DCDC1: variants seen among roughly 807,000 people sequenced by gnomAD.
The protein encoded by DCDC1 is doublecortin domain-containing protein 1.
In DCDC1, 200 loss-of-function variants were observed where a neutral mutation model predicts 178.3. The observed-to-expected ratio is 1.12, with a 90% confidence interval of 1.00 to 1.26. DCDC1 has a LOEUF of 1.26. Ranked by LOEUF, DCDC1 falls within the 50% of genes most tolerant of loss-of-function variation. The pLI, the probability that DCDC1 is intolerant of heterozygous loss-of-function variation, is 0.00. For missense variants in DCDC1, 1,983 were observed against 1,749.2 expected (o/e 1.13, Z -2.38); for synonymous variants, 690 against 604.8 (o/e 1.14, Z -2.07).
At chr11:31,093,640 C>T (rs751072792) in intron 16 of DCDC1, among the ~76,000 whole-genome samples, 13 of 152,140 alleles carry the variant, frequency 8.5e-5, no homozygotes, top group Non-Finnish European at 1.8e-4. Flanking sequence ...AAAACTACGT[C>T]CTTGCTAAGA....
intron 11 of DCDC1, among the ~76,000 whole-genome samples, chr11:31,126,818 A>G (rs960623539): frequency 1.3e-5 from 2 of 152,194 alleles, no homozygotes; most frequent in African/African-American, 4.8e-5. Context: ...AAGTATTTAA[A>G]TTCCCTAAGC....
intron 20 of DCDC1, among the ~76,000 whole-genome samples, chr11:31,015,832 G>A (rs139906415): frequency 6.3e-4 from 96 of 152,282 alleles, no homozygotes; most frequent in Non-Finnish European, 1.1e-3. Flanking sequence ...ACTGTGTAAA[G>A]GGCCCGAGTG....
intron 20 of DCDC1, among the ~76,000 whole-genome samples, chr11:30,953,811 T>C (rs532435638): frequency 1.3e-5 from 2 of 151,980 alleles, no homozygotes; most frequent in Admixed American, 6.6e-5. Flanking sequence ...CTATTAATAG[T>C]AGGCAAAAAG....
At chr11:30,936,073 C>T (rs1360264594) in intron 21 of DCDC1, among the ~76,000 whole-genome samples, 10 of 151,750 alleles carry the variant, frequency 6.6e-5, no homozygotes, top group Admixed American at 6.6e-4. Flanking sequence ...CTTTCCAAGT[C>T]TTAATCAGCA....
chr11:31,305,749 T>C lies in DCDC1; in HGVS notation c.620A>G (p.Asn207Ser). 8.7e-6 allele frequency: 14 copies of C among 1,613,702 alleles called. No individual in the cohort carries two copies. The highest frequency in any genetic ancestry group is 1.2e-5 in the Non-Finnish European group (14 of 1,179,816). The change falls in exon 6 of 39, where the codon AAT becomes AGT. Residue 207 changes from asparagine to serine, a missense_variant. Coordinates refer to ENST00000684477, the MANE Select transcript of DCDC1 (RefSeq NM_001387274.1). ...CACTCGTCTTGCGGCCATGTTCAGA[T>C]TCAGCTTTTCTGTGCACTCCTCCAG... ...LLLEECTEKL[N>S]LNMAARRVFL...
At chr11:31,161,470 G>T (rs190776310) in intron 9 of DCDC1, among the ~76,000 whole-genome samples, 1 of 152,178 alleles carries the variant, frequency 6.6e-6, no homozygotes, top group East Asian at 1.9e-4. Flanking sequence ...TCTGTCTATC[G>T]CAGTCAACAC....
At chr11:31,098,700 C>T (rs1958311309) in intron 15 of DCDC1, among the ~76,000 whole-genome samples, 1 of 152,160 alleles carries the variant, frequency 6.6e-6, no homozygotes, top group African/African-American at 2.4e-5. Flanking sequence ...ATCACCTCTG[C>T]CTGAATCCAT....
chr11:31,115,981 T>TGGGGGGGGGGGGGGG (rs548179744), intron 11 of DCDC1, among the ~76,000 whole-genome samples: 2 of 38,104 alleles, frequency 5.2e-5, no homozygotes, highest in Admixed American at 3.0e-4. Context: ...GCTGTGGCAG[T>TGGGGGGGGGGGGGGG]GGGGGGGGGG....
rs917611268 is a variant in DCDC1 at position 31,106,695 on chromosome 11, A to T, written c.1751+102T>A. 4 of 706,462 alleles carry T rather than the reference A, an allele frequency of 5.7e-6. No homozygotes were observed. In the African/African-American group the frequency reaches 7.2e-5, roughly 13 times the overall value. 43.8% of individuals were successfully genotyped at this position (706,462 alleles called of 1,614,324 possible). On this transcript the variant is annotated intron_variant, in intron 13 of 38. Coordinates refer to ENST00000684477, the MANE Select transcript of DCDC1 (RefSeq NM_001387274.1). ...TAAAATTTTATTGGAATTCAAAATAAAAAATGTTTCATGAAGGGTGCTACT... is the reference window on the plus strand; with the variant it reads ...TAAAATTTTATTGGAATTCAAAATATAAAATGTTTCATGAAGGGTGCTACT...
intron 20 of DCDC1, among the ~76,000 whole-genome samples, chr11:31,018,238 C>T (rs965937023): frequency 4.6e-5 from 7 of 152,078 alleles, no homozygotes; most frequent in African/African-American, 1.7e-4. Flanking sequence ...ATTATTTTGT[C>T]TTACAAATTA....
chr11:31,217,524 A>G (rs1973739236), intron 9 of DCDC1, among the ~76,000 whole-genome samples: 1 of 152,166 alleles, frequency 6.6e-6, no homozygotes, highest in South Asian at 2.1e-4. Flanking sequence ...CATAAAATAG[A>G]AAACTAGAAG....
chr11:31,009,543 G>T (rs2135104327), intron 20 of DCDC1, among the ~76,000 whole-genome samples: 1 of 152,078 alleles, frequency 6.6e-6, no homozygotes, highest in Middle Eastern at 3.4e-3. Flanking sequence ...AAGGCTGGTG[G>T]TGTAGTTACA....
chr11:31,356,814 C>T (rs1413137865), intron 1 of DCDC1, among the ~76,000 whole-genome samples: 2,952 of 150,640 alleles, frequency 0.02, 66 homozygotes, highest in African/African-American at 0.067. Context: ...AACACCTCTA[C>T]GCAAATAAAC....
At chr11:31,062,204 C>G (rs895715603) in intron 20 of DCDC1, among the ~76,000 whole-genome samples, 1 of 152,012 alleles carries the variant, frequency 6.6e-6, no homozygotes, top group Non-Finnish European at 1.5e-5. Flanking sequence ...GATGAAAACC[C>G]AGGATAATAA....
At chr11:30,871,773 G>A (rs1008952868) in intron 38 of DCDC1, among the ~76,000 whole-genome samples, 1 of 151,880 alleles carries the variant, frequency 6.6e-6, no homozygotes, top group African/African-American at 2.4e-5. Flanking sequence ...TCTCTGGGTG[G>A]TTAGTTCTGA....
At chr11:31,212,956 G>C (rs1387150363) in intron 9 of DCDC1, among the ~76,000 whole-genome samples, 2 of 152,036 alleles carry the variant, frequency 1.3e-5, no homozygotes, top group African/African-American at 2.4e-5. Context: ...ACTACGTGAA[G>C]AAGAAATTCT....
In DCDC1 at chr11:30,920,794, T is replaced by C. The variant is rs1272934162; in HGVS notation, c.3275A>G (p.Asn1092Ser). ...QMQEDPLTTE[N>S]ASSEILDSHV... ...TACTTACAGAATTTCACTGGAAGCATTTTCCGTTGTTAGAGGATCTTCTTG... is the reference window on the plus strand; with the variant it reads ...TACTTACAGAATTTCACTGGAAGCACTTTCCGTTGTTAGAGGATCTTCTTG... The change falls in exon 25 of 39, where the codon AAT (asparagine) becomes AGT (serine). Residue 1092 changes from asparagine to serine, a missense_variant. Transcript: ENST00000684477. 1.2e-6 allele frequency: 2 copies of C among 1,613,334 alleles called. No homozygotes were observed. The highest frequency in any genetic ancestry group is 8.5e-7 in the Non-Finnish European group (1 of 1,179,670).
intron 2 of DCDC1, among the ~76,000 whole-genome samples, chr11:31,334,669 G>A (rs928513283): frequency 2.0e-5 from 3 of 152,164 alleles, no homozygotes; most frequent in African/African-American, 7.2e-5. Flanking sequence ...GAGTTTGCTG[G>A]AAGTCCACTC....
intron 21 of DCDC1, chr11:30,943,407 T>C (rs942135415): frequency 2.0e-5 from 5 of 245,560 alleles, no homozygotes; most frequent in Non-Finnish European, 4.1e-5. Context: ...CATCTCTCAA[T>C]AGAGTAATAA....
Sources: gnomAD v4.1 joint callset for allele counts (sites outside exome capture counted in the v4.1 genomes callset) on GRCh38, gnomAD v4.1.1 for gene constraint, MANE v1.5 for transcripts, NCBI Gene and HGNC (gene_info 2026-07-23, HGNC 2026-07-21) for gene names.